TRHR: variants seen among roughly 807,000 people sequenced by gnomAD.
The protein encoded by TRHR is thyrotropin-releasing hormone receptor.
Under a neutral mutation model 28.0 loss-of-function variants are expected in TRHR, and 14 were observed. That is an observed-to-expected ratio of 0.50 (90% CI 0.33 to 0.78). The LOEUF is 0.78. Ranked by LOEUF, TRHR falls within the 30% of genes least tolerant of loss-of-function variation. TRHR has a pLI of 0.02. For synonymous variants in TRHR, 176 were observed against 171.9 expected, an observed-to-expected ratio of 1.02 and a Z score of -0.18; for missense variants, 438 against 469.5, an observed-to-expected ratio of 0.93 and a Z score of 0.62.
chr8:109,119,088 T>C lies in TRHR; in HGVS notation c.830T>C (p.Leu277Pro). 1 of 1,612,852 alleles carries C rather than the reference T, an allele frequency of 6.2e-7. No individual in the cohort carries two copies. The highest frequency in any genetic ancestry group is 8.5e-7 in the Non-Finnish European group (1 of 1,179,174). The change falls in exon 3 of 3, where the codon CTT (leucine) becomes CCT (proline). Residue 277 changes from leucine to proline, a missense_variant. Coordinates refer to ENST00000518632, the MANE Select transcript of TRHR (RefSeq NM_003301.7). Reference protein sequence around the residue: ...MLAVVVILFALLWMPYRTLVV... With the variant: ...MLAVVVILFAPLWMPYRTLVV... ...GCAGTGGTTGTAATTCTGTTTGCCC[T>C]TTTATGGATGCCCTACAGGACTCTA...
At chr8:109,092,273 G>A (rs957197833) in intron 2 of TRHR, among the ~76,000 whole-genome samples, 1 of 151,788 alleles carries the variant, frequency 6.6e-6, no homozygotes, top group Admixed American at 6.6e-5. Context: ...TAAGAGTAAT[G>A]GCAGAATTTT....
Position 109,119,128 on chromosome 8 carries a change from A to G in TRHR, c.870A>G (p.Ser290=). 8 of 1,612,756 alleles carry G rather than the reference A, an allele frequency of 5.0e-6. No homozygotes were observed. Among genetic ancestry groups the G allele is most frequent in the Non-Finnish European group, 6.8e-6 (8 of 1,179,224 alleles). Residue 290 remains serine, a synonymous_variant, in exon 3 of 3, where the codon TCA becomes TCG. Transcript: ENST00000518632. ...MPYRTLVVVN[S]FLSSPFQENW... is the part of the protein sequence containing the mutation. ...ACAGGACTCTAGTGGTTGTCAACTC[A>G]TTTCTCTCCAGTCCTTTCCAAGAAA...
At chr8:109,117,710 T>G (rs998395791) in intron 2 of TRHR, among the ~76,000 whole-genome samples, 1 of 151,902 alleles carries the variant, frequency 6.6e-6, no homozygotes, top group Non-Finnish European at 1.5e-5. Flanking sequence ...TTTATCACTT[T>G]GATTTCCTAT....
chr8:109,093,978 T>C (rs1440462445), intron 2 of TRHR, among the ~76,000 whole-genome samples: 3 of 151,896 alleles, frequency 2.0e-5, no homozygotes, highest in Non-Finnish European at 4.4e-5. Flanking sequence ...GTAAGACACA[T>C]AGGAAAGGAG....
intron 2 of TRHR, among the ~76,000 whole-genome samples, chr8:109,093,631 C>T (rs1811547176): frequency 6.6e-6 from 1 of 151,786 alleles, no homozygotes; most frequent in Non-Finnish European, 1.5e-5. Context: ...GTCTCGATCT[C>T]CTGACCTCAC....
At chr8:109,094,428 T>C (rs1226883844) in intron 2 of TRHR, among the ~76,000 whole-genome samples, 1 of 152,098 alleles carries the variant, frequency 6.6e-6, no homozygotes, top group African/African-American at 2.4e-5. Flanking sequence ...ATCTTTCATT[T>C]TTAATTGTAT....
intron 2 of TRHR, among the ~76,000 whole-genome samples, chr8:109,107,485 GT>G (rs1811768288): frequency 6.6e-6 from 1 of 152,158 alleles, no homozygotes; most frequent in Non-Finnish European, 1.5e-5. Context: ...TCCATAGCCT[GT>G]CCCCTTCACC....
chr8:109,090,790 A>G (rs1278135135), intron 2 of TRHR, among the ~76,000 whole-genome samples: 6 of 152,232 alleles, frequency 3.9e-5, no homozygotes, highest in Non-Finnish European at 7.3e-5. Context: ...GGCTGGGATG[A>G]GAATGGCATG....
Position 109,087,975 on chromosome 8 carries a change from C to T in TRHR, c.463C>T (p.Leu155Phe). ...CATCTTTGTCTGGGCTTTCACATCT[C>T]TTTACTGTATGCTCTGGTTCTTCTT... ...IIIFVWAFTS[L>F]YCMLWFFLLD... Residue 155 changes from leucine (L) to phenylalanine (F), a missense_variant, in exon 2 of 3, where the codon CTT becomes TTT. Leu to Phe is a conservative substitution (Grantham distance 22). Coordinates refer to ENST00000518632, the MANE Select transcript of TRHR (RefSeq NM_003301.7). 3 of 1,614,088 alleles carry T rather than the reference C, an allele frequency of 1.9e-6. No homozygotes were observed. The highest frequency in any genetic ancestry group is 1.7e-6 in the Non-Finnish European group (2 of 1,180,034).
rs745655918 is a variant in TRHR, at chr8:109,087,685, C to A, written c.173C>A (p.Thr58Asn). 2 of 1,614,028 alleles carry A rather than the reference C, an allele frequency of 1.2e-6. No homozygotes were observed. Among genetic ancestry groups the A allele is most frequent in the South Asian group, 1.1e-5 (1 of 91,052 alleles). Residue 58 changes from threonine to asparagine, a missense_variant, in exon 2 of 3, where the codon ACC (threonine) becomes AAC (asparagine). Thr to Asn is a moderately conservative substitution (Grantham distance 65, BLOSUM62 0). Transcript: ENST00000518632. ...LVVMRTKHMR[T>N]PTNCYLVSLA... ...GTCATGAGAACCAAGCACATGAGGA[C>A]CCCCACAAACTGCTACCTGGTGAGC...
At chr8:109,105,734 A>T (rs1811740434) in intron 2 of TRHR, among the ~76,000 whole-genome samples, 1 of 152,148 alleles carries the variant, frequency 6.6e-6, no homozygotes, top group Non-Finnish European at 1.5e-5. Flanking sequence ...ATGTTGTTGT[A>T]TTGAATCCAT....
Position 109,119,561 on chromosome 8 carries a change from A to G in TRHR, c.*106A>G. ...GTCATATGTGAAGACAGAGCAGATC[A>G]GTCTTTGTCAATGCTCTAACAAATT... On this transcript the variant is annotated 3_prime_UTR_variant, in exon 3 of 3. Transcript: ENST00000518632. The G allele has an allele frequency of 7.4e-7, 1 of 1,355,168 alleles. No individual in the cohort carries two copies. The highest frequency in any genetic ancestry group is 1.0e-6 in the Non-Finnish European group (1 of 980,278). The allele number at this position is 1,355,168 out of a possible 1,614,324, so 83.9% of individuals were successfully genotyped here. A position where few individuals can be genotyped will look rare whatever the true frequency, so the allele number is the denominator to read the frequency against.
chr8:109,102,694 G>C (rs1811694662), intron 2 of TRHR, among the ~76,000 whole-genome samples: 1 of 152,036 alleles, frequency 6.6e-6, no homozygotes, highest in Non-Finnish European at 1.5e-5. Flanking sequence ...AGGAGAAAAG[G>C]CATGGCTGTT....
Position 109,088,201 on chromosome 8 carries a change from A to G in TRHR, c.689A>G (p.Asn230Ser). ...LNPIPSDPKENSKTWKNDSTH... is the reference protein window; with the variant it reads ...LNPIPSDPKESSKTWKNDSTH... ...CCCATTCCTTCAGATCCTAAAGAAA[A>G]CTCTAAGACATGGAAAAATGATTCA... The change falls in exon 2 of 3, where the codon AAC becomes AGC. Residue 230 changes from asparagine to serine, a missense_variant. By Grantham distance (46) the Asn-to-Ser change is conservative. Coordinates refer to ENST00000518632, the MANE Select transcript of TRHR (RefSeq NM_003301.7). The G allele has an allele frequency of 6.2e-7, 1 of 1,614,058 alleles. No homozygotes were observed. The highest frequency in any genetic ancestry group is 8.5e-7 in the Non-Finnish European group (1 of 1,180,010).
chr8:109,118,929 C>T, intron 2 of TRHR, 119 bp from the exon 3 acceptor site: 3 of 1,238,620 alleles, frequency 2.4e-6, no homozygotes, highest in Non-Finnish European at 2.4e-6. Context: ...AAATGACCTG[C>T]ACCTAACTCC....
intron 2 of TRHR, among the ~76,000 whole-genome samples, chr8:109,106,662 C>T (rs1037794553): frequency 2.6e-5 from 4 of 152,108 alleles, no homozygotes; most frequent in African/African-American, 9.7e-5. Flanking sequence ...AATACATATC[C>T]TGCCCTTTTA....
At chr8:109,116,081 T>C (rs1297343548) in intron 2 of TRHR, among the ~76,000 whole-genome samples, 2 of 152,166 alleles carry the variant, frequency 1.3e-5, no homozygotes, top group Admixed American at 6.6e-5. Flanking sequence ...TGTCGTTGGT[T>C]CTGTTTATAA....
At chr8:109,109,954 T>A (rs1004813969) in intron 2 of TRHR, among the ~76,000 whole-genome samples, 6 of 152,164 alleles carry the variant, frequency 3.9e-5, no homozygotes, top group African/African-American at 1.4e-4. Flanking sequence ...GAACTGAAGG[T>A]GTCACAGAGG....
chr8:109,112,140 C>A (rs1045790847), intron 2 of TRHR, among the ~76,000 whole-genome samples: 4 of 152,164 alleles, frequency 2.6e-5, no homozygotes, highest in African/African-American at 9.7e-5. Context: ...TCTATACCTA[C>A]TACATATTGT....
Sources: allele counts gnomAD v4.1 joint callset (sites outside exome capture counted in the v4.1 genomes callset), GRCh38; gene constraint gnomAD v4.1.1; transcripts MANE v1.5; gene names NCBI Gene and HGNC (gene_info 2026-07-23, HGNC 2026-07-21).